HDAC4: variants seen among roughly 807,000 people sequenced by gnomAD.
HDAC4 encodes histone deacetylase 4.
HDAC4 carries 16 observed loss-of-function variants against 135.1 expected under a neutral mutation model. The ratio of observed to expected loss-of-function variants is 0.12; its 90% CI spans 0.08 to 0.18. The LOEUF is 0.18. Ranked by LOEUF, HDAC4 falls within the 10% of genes least tolerant of loss-of-function variation. The pLI is 1.00. For synonymous variants in HDAC4, 685 were observed against 653.4 expected (o/e 1.05, Z -0.74); for missense variants, 1,143 against 1,511.8 (o/e 0.76, Z 4.05).
intron 11 of HDAC4, among the ~76,000 whole-genome samples, chr2:239,126,899 A>G (rs1203454960): frequency 6.6e-6 from 1 of 152,186 alleles, no homozygotes; most frequent in Non-Finnish European, 1.5e-5. Flanking sequence ...GGACTATAGG[A>G]ACCATAATTT....
chr2:239,114,071 A>G (rs898827550), intron 13 of HDAC4, among the ~76,000 whole-genome samples: 2 of 152,204 alleles, frequency 1.3e-5, no homozygotes, highest in African/African-American at 2.4e-5. Flanking sequence ...TGCTCCAGGT[A>G]CAAGGCCCCA....
intron 1 of HDAC4, among the ~76,000 whole-genome samples, chr2:239,377,713 T>C (rs1168860783): frequency 6.6e-6 from 1 of 152,154 alleles, no homozygotes; most frequent in Non-Finnish European, 1.5e-5. Context: ...GGACCAGTAT[T>C]ATGTGCAGAG....
At position 239,139,645 on chromosome 2, in the gene HDAC4, C is replaced by T. The variant is rs754634956; in HGVS notation, c.978+39G>A. ...TCAAGCTCATCCGTCCCGAGTCCGA[C>T]TCTAGCCGTAGGACACAGGACAAAC... is the stretch of plus-strand genomic sequence containing the variant. On this transcript the variant is annotated intron_variant, in intron 9 of 26. Coordinates refer to ENST00000543185, the MANE Select transcript of HDAC4 (RefSeq NM_001378414.1). The surrounding 1 kb of genome is among the most constrained non-coding windows in gnomAD (Gnocchi z 5.3). The T allele has an allele frequency of 4.5e-6, 7 of 1,568,502 alleles. No individual in the cohort carries two copies. The highest frequency in any genetic ancestry group is 1.1e-5 in the South Asian group (1 of 90,254).
At position 239,052,670 on chromosome 2, in the gene HDAC4, A is replaced by G. The variant is rs960723896; in HGVS notation, c.*427T>C. ...ACACAGAGACTGTGGAGTTGTGGGT[A>G]ATAAACTTTAAGCACCAGTTTTAAT... On this transcript the variant is annotated 3_prime_UTR_variant, in exon 27 of 27. Transcript: ENST00000543185. 4.2e-6 allele frequency: 1 copy of G among 240,224 alleles called. No homozygotes were observed. Among genetic ancestry groups the G allele is most frequent in the Non-Finnish European group, 8.3e-6 (1 of 119,820 alleles). The allele number at this position is 240,224 out of a possible 1,614,324, so 14.9% of individuals were successfully genotyped here. A position where few individuals can be genotyped will look rare whatever the true frequency, so the allele number is the denominator to read the frequency against.
intron 3 of HDAC4, among the ~76,000 whole-genome samples, chr2:239,213,808 G>A (rs780317444): frequency 1.3e-5 from 2 of 152,264 alleles, no homozygotes; most frequent in Non-Finnish European, 2.9e-5. Flanking sequence ...AGCGCTTGCA[G>A]TGCACAGGGC....
chr2:239,207,399 T>G (rs1358197891), intron 3 of HDAC4, among the ~76,000 whole-genome samples: 1 of 151,622 alleles, frequency 6.6e-6, no homozygotes, highest in African/African-American at 2.4e-5. Flanking sequence ...TGAAATGAAA[T>G]GTAATCATTA....
At chr2:239,312,550 C>G (rs1341769467) in intron 2 of HDAC4, among the ~76,000 whole-genome samples, 1 of 152,212 alleles carries the variant, frequency 6.6e-6, no homozygotes, top group Non-Finnish European at 1.5e-5. Flanking sequence ...CATTCTAAAG[C>G]AAACGCTAAG....
At chr2:239,215,534 G>A (rs1273310779) in intron 3 of HDAC4, among the ~76,000 whole-genome samples, 5 of 152,160 alleles carry the variant, frequency 3.3e-5, no homozygotes, top group Admixed American at 1.3e-4. Context: ...GGCTCAGGAC[G>A]GGGCTGGCTC....
intron 17 of HDAC4, chr2:239,094,760 A>C: frequency 1.5e-6 from 2 of 1,355,086 alleles, no homozygotes; most frequent in Non-Finnish European, 1.9e-6. Flanking sequence ...TGTTTCTTAA[A>C]GCGAGAGCCA....
At chr2:239,263,146 C>A (rs1217880418) in intron 2 of HDAC4, among the ~76,000 whole-genome samples, 1 of 152,136 alleles carries the variant, frequency 6.6e-6, no homozygotes, top group South Asian at 2.1e-4. Context: ...AAAAACACTA[C>A]CCTCCTTCAT....
Position 239,068,705 on chromosome 2 carries a change from C to T in HDAC4, c.2751-98G>A, listed in dbSNP as rs145529595. 3.8e-6 allele frequency: 4 copies of T among 1,044,254 alleles called. No individual in the cohort carries two copies. The highest frequency in any genetic ancestry group is 6.0e-6 in the Non-Finnish European group (4 of 664,360). The allele number at this position is 1,044,254 out of a possible 1,614,324, so 64.7% of individuals were successfully genotyped here. ...CCCTCTGGCATTGATAATGCCTGCCCCGCACCCCCTCGGCCACTGGCGGGC... is the reference window on the plus strand; with the variant it reads ...CCCTCTGGCATTGATAATGCCTGCCTCGCACCCCCTCGGCCACTGGCGGGC... On this transcript the variant is annotated intron_variant, in intron 22 of 26. Coordinates refer to ENST00000543185, the MANE Select transcript of HDAC4 (RefSeq NM_001378414.1). This position sits in a 1 kb window ranked among gnomAD's most constrained non-coding sequence, Gnocchi z 4.4.
At chr2:239,179,231 C>A (rs1207510028) in intron 4 of HDAC4, among the ~76,000 whole-genome samples, 1 of 152,212 alleles carries the variant, frequency 6.6e-6, no homozygotes, top group Non-Finnish European at 1.5e-5. Flanking sequence ...GGGATGCCAC[C>A]CACGTCACAC....
chr2:239,205,126 C>T (rs74000520), intron 3 of HDAC4, among the ~76,000 whole-genome samples: 5,191 of 152,250 alleles, frequency 0.034, 308 homozygotes, highest in African/African-American at 0.12. Flanking sequence ...ACATTTAGGC[C>T]AGGGACTCAG....
chr2:239,192,359 GA>G (rs2045043338), intron 3 of HDAC4, among the ~76,000 whole-genome samples: 2 of 152,146 alleles, frequency 1.3e-5, no homozygotes, highest in South Asian at 2.1e-4. Flanking sequence ...TCCCTTTTCT[GA>G]TCATTTTTAT....
chr2:239,141,192 C>T lies in HDAC4; in HGVS notation c.866-1396G>A, dbSNP rs1472426136. On this transcript the variant is annotated intron_variant, in intron 8 of 26. Coordinates refer to ENST00000543185, the MANE Select transcript of HDAC4 (RefSeq NM_001378414.1). The surrounding 1 kb of genome is among the most constrained non-coding windows in gnomAD (Gnocchi z 4.9). ...AGTTAACCCAGCTGGGTGGTGAAGG[C>T]GCACCTCCTCTGTTGACCACGCTGC... Among the ~76,000 whole-genome samples the T allele has an allele frequency of 6.6e-6, 1 of 152,112 alleles. No homozygotes were observed. The highest frequency in any genetic ancestry group is 1.5e-5 in the Non-Finnish European group (1 of 68,020).
intron 4 of HDAC4, among the ~76,000 whole-genome samples, chr2:239,177,503 G>A (rs935016030): frequency 2.0e-5 from 3 of 152,234 alleles, no homozygotes; most frequent in African/African-American, 7.2e-5. Flanking sequence ...TGGGGGTGCC[G>A]AGGCCGGAGG....
chr2:239,367,845 A>G (rs1694322119), intron 1 of HDAC4, among the ~76,000 whole-genome samples: 1 of 152,032 alleles, frequency 6.6e-6, no homozygotes, highest in South Asian at 2.1e-4. Context: ...ATAGTGGTGT[A>G]TGTCTGTAAT....
At chr2:239,191,078 G>A (rs1283273196) in intron 3 of HDAC4, 4 of 443,220 alleles carry the variant, frequency 9.0e-6, no homozygotes, top group African/African-American at 6.0e-5. Flanking sequence ...CCAAGTGAGA[G>A]CCCAGCCTGC....
intron 2 of HDAC4, among the ~76,000 whole-genome samples, chr2:239,264,241 C>T (rs375226025): frequency 6.6e-6 from 1 of 152,190 alleles, no homozygotes; most frequent in African/African-American, 2.4e-5. Context: ...CTGCTCGGGC[C>T]GCCCCAGCCT....
Sources: gnomAD v4.1 joint callset for allele counts (sites outside exome capture counted in the v4.1 genomes callset) on GRCh38, gnomAD v4.1.1 for gene constraint, Gnocchi (gnomAD v3.1) non-coding constraint, MANE v1.5 for transcripts, NCBI Gene and HGNC (gene_info 2026-07-23, HGNC 2026-07-21) for gene names.